CBX5: variants seen among roughly 807,000 people sequenced by gnomAD.
CBX5 encodes chromobox 5.
Under a neutral mutation model 20.7 loss-of-function variants are expected in CBX5, and 7 were observed. The ratio of observed to expected loss-of-function variants is 0.34; its 90% CI spans 0.19 to 0.63. The LOEUF (loss-of-function observed/expected upper bound fraction) is 0.63, where lower values mean the gene tolerates loss of function less well. Among genes scored for constraint, CBX5 ranks in the 30% least tolerant of loss-of-function variants. The pLI is 0.75. For synonymous variants in CBX5, 78 were observed against 77.0 expected, an observed-to-expected ratio of 1.01 and a Z score of -0.07; for missense variants, 110 against 224.1, an observed-to-expected ratio of 0.49 and a Z score of 3.25.
chr12:54,262,660 G>T (rs1300585081), intron 1 of CBX5: 1 of 152,690 alleles, frequency 6.5e-6, no homozygotes, highest in Admixed American at 6.5e-5. Flanking sequence ...CATCGGAGGG[G>T]ACATAATTCT....
At chr12:54,260,012 A>C (rs764862690) in intron 1 of CBX5, among the ~76,000 whole-genome samples, 1 of 152,150 alleles carries the variant, frequency 6.6e-6, no homozygotes, top group Non-Finnish European at 1.5e-5. Flanking sequence ...ACCGTCTGTC[A>C]CAGAACAGTT....
chr12:54,250,048 C>T (rs573475471), intron 3 of CBX5, among the ~76,000 whole-genome samples: 2 of 152,050 alleles, frequency 1.3e-5, no homozygotes, highest in Admixed American at 1.3e-4. Context: ...CATGGAGAAA[C>T]ACCCTCTCTA....
At chr12:54,279,378 C>T (rs1417854374) in intron 1 of CBX5, among the ~76,000 whole-genome samples, 1 of 152,112 alleles carries the variant, frequency 6.6e-6, no homozygotes, top group Non-Finnish European at 1.5e-5. Context: ...TCGAGGAATA[C>T]AGGAGCAAAC....
intron 4 of CBX5, among the ~76,000 whole-genome samples, chr12:54,243,424 G>A (rs1000758696): frequency 3.9e-5 from 6 of 152,126 alleles, no homozygotes; most frequent in African/African-American, 1.4e-4. Flanking sequence ...AGCAGGCCAT[G>A]GTGGCATGCA....
At chr12:54,245,332 A>G (rs1943723314) in intron 4 of CBX5, among the ~76,000 whole-genome samples, 1 of 151,910 alleles carries the variant, frequency 6.6e-6, no homozygotes, top group Non-Finnish European at 1.5e-5. Flanking sequence ...TCTACCTCAA[A>G]TTTACCTTTT....
intron 1 of CBX5, among the ~76,000 whole-genome samples, chr12:54,279,740 T>A (rs1944113373): frequency 2.6e-5 from 4 of 151,962 alleles, no homozygotes; most frequent in Admixed American, 2.6e-4. Context: ...TCTCCCACAT[T>A]CCGATGGCCC....
At chr12:54,242,353 G>A (rs1163209928) in intron 4 of CBX5, among the ~76,000 whole-genome samples, 1 of 151,684 alleles carries the variant, frequency 6.6e-6, no homozygotes, top group Non-Finnish European at 1.5e-5. Flanking sequence ...GTGAAACCCC[G>A]ACTCTACTAA....
At chr12:54,264,874 T>C (rs1000919480) in intron 1 of CBX5, among the ~76,000 whole-genome samples, 19 of 151,694 alleles carry the variant, frequency 1.3e-4, no homozygotes, top group Non-Finnish European at 8.8e-5. Context: ...AGAAAGCCAA[T>C]TGGTAAGCTG....
chr12:54,232,708 T>C lies in CBX5; in HGVS notation c.*9047A>G, dbSNP rs545495518. On this transcript the variant is annotated 3_prime_UTR_variant, in exon 5 of 5. Coordinates refer to ENST00000209875, the MANE Select transcript of CBX5 (RefSeq NM_012117.3). ...AAGGGTATTAACTGAGGGCCTATTATTTATCTAGTATAATGTGAGGAATCT... is the reference window on the plus strand; with the variant it reads ...AAGGGTATTAACTGAGGGCCTATTACTTATCTAGTATAATGTGAGGAATCT... 1 of 151,956 alleles carries C rather than the reference T, an allele frequency of 6.6e-6. No individual in the cohort carries two copies. Among genetic ancestry groups the C allele is most frequent in the African/African-American group, 2.4e-5 (1 of 41,344 alleles). 9.4% of individuals were successfully genotyped at this position (151,956 alleles called of 1,614,324 possible).
intron 2 of CBX5, 52 bp from the exon 3 acceptor site, chr12:54,252,279 A>G: frequency 7.2e-7 from 1 of 1,384,290 alleles, no homozygotes. Flanking sequence ...GTAAAGAATG[A>G]GGAAAAAAAT....
rs1270589447 is a variant in CBX5 at position 54,242,556 on chromosome 12, C to T, written c.426-651G>A. On this transcript the variant is annotated intron_variant, in intron 4 of 4. Transcript: ENST00000209875. ...AAAAAAAAAAAAAACCTACATTCAG[C>T]TCTATTGATTATGCACAAGTCAATT... Among the ~76,000 whole-genome samples, 4 of 150,564 alleles carry T rather than the reference C, an allele frequency of 2.7e-5. No homozygotes were observed. In the East Asian group the frequency reaches 7.8e-4, roughly 29 times the overall value.
chr12:54,244,095 G>A (rs12303543), intron 4 of CBX5, among the ~76,000 whole-genome samples: 2 of 150,868 alleles, frequency 1.3e-5, no homozygotes, highest in African/African-American at 4.9e-5. Flanking sequence ...TCCGCCTCCC[G>A]GGTTCACACC....
rs780758050 is a variant in CBX5 at position 54,252,102 on chromosome 12, T to C, written c.263A>G (p.Asn88Ser). The part of the protein sequence containing the change: ...NNKPREKSES[N>S]KRKSNFSNSA... ...GTTTGAGAAATTGGATTTCCTCTTG[T>C]TACTTTCTGACTTCTCCCTGGGTTT... is the stretch of plus-strand genomic sequence containing the variant. Residue 88 changes from asparagine (N) to serine (S), a missense_variant, in exon 3 of 5, where the codon AAC becomes AGC. Physicochemically the swap from Asn to Ser is conservative, Grantham distance 46. Coordinates refer to ENST00000209875, the MANE Select transcript of CBX5 (RefSeq NM_012117.3). 1.2e-6 allele frequency: 2 copies of C among 1,612,390 alleles called. No homozygotes were observed. The highest frequency in any genetic ancestry group is 8.5e-7 in the Non-Finnish European group (1 of 1,179,432).
chr12:54,265,872 C>T (rs1943951335), intron 1 of CBX5, among the ~76,000 whole-genome samples: 1 of 151,832 alleles, frequency 6.6e-6, no homozygotes, highest in Admixed American at 6.6e-5. Context: ...CATGGTGAAA[C>T]CCCATCTTTA....
chr12:54,239,155 A>G lies in CBX5; in HGVS notation c.*2600T>C, dbSNP rs1943652396. 2.0e-5 allele frequency: 3 copies of G among 152,252 alleles called. No homozygotes were observed. Among genetic ancestry groups the G allele is most frequent in the Non-Finnish European group, 2.9e-5 (2 of 68,048 alleles). 9.4% of individuals were successfully genotyped at this position (152,252 alleles called of 1,614,324 possible). A position where few individuals can be genotyped will look rare whatever the true frequency, so the allele number is the denominator to read the frequency against. On this transcript the variant is annotated 3_prime_UTR_variant, in exon 5 of 5. Transcript: ENST00000209875. ...AAGTTGTTTTGGCGGCACTCAGTAC[A>G]ATAAACCGAAGACAAAAAAGACAGA...
At chr12:54,243,234 A>C (rs1028130572) in intron 4 of CBX5, among the ~76,000 whole-genome samples, 5 of 152,206 alleles carry the variant, frequency 3.3e-5, no homozygotes, top group Admixed American at 2.6e-4. Context: ...GGAAAAAGCC[A>C]ATTAATGTTA....
intron 3 of CBX5, among the ~76,000 whole-genome samples, chr12:54,248,715 A>C (rs969270936): frequency 2.0e-5 from 3 of 152,216 alleles, no homozygotes; most frequent in Admixed American, 2.0e-4. Context: ...AGGCGAATGG[A>C]AGAAAAACGT....
intron 3 of CBX5, among the ~76,000 whole-genome samples, chr12:54,251,246 G>T (rs892022741): frequency 1.3e-5 from 2 of 151,964 alleles, no homozygotes; most frequent in African/African-American, 2.4e-5. Context: ...GGATCACGAG[G>T]TCAGGAGTTC....
chr12:54,278,381 C>T (rs1322270426), intron 1 of CBX5, among the ~76,000 whole-genome samples: 1 of 152,168 alleles, frequency 6.6e-6, no homozygotes, highest in Non-Finnish European at 1.5e-5. Flanking sequence ...ACTAGCATAC[C>T]TACAAATAGG....
Sources: allele counts gnomAD v4.1 joint callset (sites outside exome capture counted in the v4.1 genomes callset), GRCh38; gene constraint gnomAD v4.1.1; transcripts MANE v1.5; gene names NCBI Gene and HGNC (gene_info 2026-07-23, HGNC 2026-07-21).